PLXNA4: variants seen among roughly 807,000 people sequenced by gnomAD.
PLXNA4 encodes the protein plexin A4.
In PLXNA4, 44 loss-of-function variants were observed where a neutral mutation model predicts 191.8. The observed-to-expected ratio is 0.23, with a 90% CI of 0.18 to 0.29. PLXNA4 has a LOEUF of 0.29. Among genes scored for constraint, PLXNA4 ranks in the 10% least tolerant of loss-of-function variants. The probability of loss-of-function intolerance (pLI) is 1.00; values close to 1 mark genes in which losing one functional copy is unlikely to be tolerated. For synonymous variants in PLXNA4, 1,082 were observed against 1,009.5 expected, an observed-to-expected ratio of 1.07 and a Z score of -1.36; for missense variants, 1,800 against 2,488.8, an observed-to-expected ratio of 0.72 and a Z score of 5.89.
rs999371650 is a variant in PLXNA4, at chr7:132,128,595, G to T, written c.*1884C>A. 6.6e-6 allele frequency: 1 copy of T among 152,210 alleles called. No individual in the cohort carries two copies. The allele number at this position is 152,210 out of a possible 1,614,324, so 9.4% of individuals were successfully genotyped here. A position where few individuals can be genotyped will look rare whatever the true frequency, so the allele number is the denominator to read the frequency against. On this transcript the variant is annotated 3_prime_UTR_variant, in exon 32 of 32. Transcript: ENST00000321063. ...GACAAGAAATCCTTTTGAGCTTTCC[G>T]CCTACACCTGGGGCAGACACACACA...
intron 3 of PLXNA4, among the ~76,000 whole-genome samples, chr7:132,409,851 C>G (rs1027891589): frequency 6.6e-6 from 1 of 152,222 alleles, no homozygotes; most frequent in Non-Finnish European, 1.5e-5. Context: ...GGCTCGTCCT[C>G]CGGGAGATCC....
chr7:132,232,061 G>A (rs56131291), intron 5 of PLXNA4, among the ~76,000 whole-genome samples: 1,689 of 152,298 alleles, frequency 0.011, 33 homozygotes, highest in African/African-American at 0.038. Flanking sequence ...AATGGAAGGC[G>A]AGGCACGAAT....
chr7:132,500,397 C>T (rs1001856114), intron 2 of PLXNA4, among the ~76,000 whole-genome samples: 1 of 151,798 alleles, frequency 6.6e-6, no homozygotes, highest in South Asian at 2.1e-4. Flanking sequence ...GAGCCAAGAT[C>T]GCGCCATTGC....
chr7:132,362,219 C>T (rs894517811), intron 3 of PLXNA4, among the ~76,000 whole-genome samples: 2 of 152,184 alleles, frequency 1.3e-5, no homozygotes, highest in Non-Finnish European at 2.9e-5. Flanking sequence ...TTCATACTTC[C>T]GTCTTCAATG....
chr7:132,341,148 CAT>C lies in PLXNA4; in HGVS notation c.1372-42928_1372-42927del, dbSNP rs1385110595. Among the ~76,000 whole-genome samples, 5 of 152,156 alleles carry C rather than the reference CAT, an allele frequency of 3.3e-5. No individual in the cohort carries two copies. In the East Asian group the frequency reaches 9.6e-4, roughly 29 times the overall value. ...AAGAGTTGGGGAGACTCATAACCTCCATCAGAACTGAATTCTATCTGAGGATA... is the reference window on the plus strand; with the variant it reads ...AAGAGTTGGGGAGACTCATAACCTCCCAGAACTGAATTCTATCTGAGGATA... On this transcript the variant is annotated intron_variant, in intron 3 of 31. Coordinates refer to ENST00000321063, the MANE Select transcript of PLXNA4 (RefSeq NM_020911.2).
In PLXNA4 at chr7:132,631,549, T is replaced by A. The variant is rs114330700; in HGVS notation, c.-87+14379A>T. Among the ~76,000 whole-genome samples the A allele has an allele frequency of 3.9e-3, 594 of 152,176 alleles. 3 individuals are homozygous for A. The highest frequency in any genetic ancestry group is 0.013 in the African/African-American group (554 of 41,510). ...AGGAATGAACACATTGACTAGTGAGTGTCTGCTCTAGATGGTACCCCAGGC... is the reference window on the plus strand; with the variant it reads ...AGGAATGAACACATTGACTAGTGAGAGTCTGCTCTAGATGGTACCCCAGGC... On this transcript the variant is annotated intron_variant, in intron 2 of 4. Transcript: ENST00000378539.
intron 1 of PLXNA4, among the ~76,000 whole-genome samples, chr7:132,526,830 G>C (rs1799420194): frequency 6.6e-6 from 1 of 152,188 alleles, no homozygotes; most frequent in African/African-American, 2.4e-5. Context: ...CCTCTTTGGT[G>C]CATAGTCTTC....
intron 25 of PLXNA4, among the ~76,000 whole-genome samples, chr7:132,153,883 GCTTTGCAATAACCCCACTTCCAGT>G (rs577463866): frequency 5.3e-4 from 81 of 152,256 alleles, no homozygotes; most frequent in African/African-American, 1.9e-3. Flanking sequence ...GACCCTTCAG[GCTTTGCAATAACCCCACTTCCAGT>G]CTTCCTATCA....
At chr7:132,411,726 C>G (rs1794467065) in intron 3 of PLXNA4, among the ~76,000 whole-genome samples, 1 of 152,060 alleles carries the variant, frequency 6.6e-6, no homozygotes. Context: ...AAGAAAAGGC[C>G]CAGAAATTCT....
At chr7:132,317,377 ATTGAG>A (rs1801985932) in intron 3 of PLXNA4, among the ~76,000 whole-genome samples, 1 of 147,432 alleles carries the variant, frequency 6.8e-6, no homozygotes, top group Non-Finnish European at 1.5e-5. Context: ...GTTGTATTGG[ATTGAG>A]TTGGGTTGGA....
intron 1 of PLXNA4, among the ~76,000 whole-genome samples, chr7:132,570,333 G>C (rs1199874016): frequency 2.0e-5 from 3 of 152,112 alleles, no homozygotes; most frequent in Non-Finnish European, 2.9e-5. Context: ...TGCTTCAGTT[G>C]CACATCCTGA....
At chr7:132,529,608 T>TC (rs1799545147) in intron 1 of PLXNA4, among the ~76,000 whole-genome samples, 1 of 49,424 alleles carries the variant, frequency 2.0e-5, no homozygotes, top group Admixed American at 1.8e-4. Context: ...ATAGGTATTC[T>TC]TTTTTTTTTT....
intron 3 of PLXNA4, among the ~76,000 whole-genome samples, chr7:132,356,291 T>G (rs908828033): frequency 6.6e-6 from 1 of 152,162 alleles, no homozygotes; most frequent in Admixed American, 6.5e-5. Context: ...AATGGCAAAG[T>G]TGGGTTTATA....
chr7:132,203,742 G>T (rs1000512716), intron 10 of PLXNA4, among the ~76,000 whole-genome samples: 1 of 152,230 alleles, frequency 6.6e-6, no homozygotes, highest in African/African-American at 2.4e-5. Flanking sequence ...CAGGAGGCCT[G>T]CTCCCATCCC....
intron 25 of PLXNA4, among the ~76,000 whole-genome samples, chr7:132,159,103 C>T (rs568745599): frequency 3.5e-4 from 54 of 152,222 alleles, no homozygotes; most frequent in East Asian, 1.7e-3. Context: ...GACCTTGGGC[C>T]GCAGGAGCTC....
intron 1 of PLXNA4, among the ~76,000 whole-genome samples, chr7:132,646,344 A>C (rs567496669): frequency 1.3e-4 from 20 of 152,226 alleles, no homozygotes; most frequent in South Asian, 4.2e-4. Context: ...GCTCATGGGA[A>C]GTCTCTTTTG....
At chr7:132,565,480 T>C (rs1206275941) in intron 1 of PLXNA4, among the ~76,000 whole-genome samples, 2 of 152,210 alleles carry the variant, frequency 1.3e-5, no homozygotes, top group African/African-American at 4.8e-5. Context: ...TGATTTCCTA[T>C]TACACCGCAA....
At chr7:132,138,952 C>T (rs936600158) in intron 30 of PLXNA4, among the ~76,000 whole-genome samples, 4 of 152,236 alleles carry the variant, frequency 2.6e-5, no homozygotes, top group African/African-American at 4.8e-5. Flanking sequence ...CTGTGGCACT[C>T]GGATGACCAA....
At chr7:132,495,533 A>AGCC (rs1360840498) in intron 2 of PLXNA4, among the ~76,000 whole-genome samples, 3 of 152,170 alleles carry the variant, frequency 2.0e-5, no homozygotes, top group African/African-American at 7.2e-5. Context: ...GGGCAGCAGC[A>AGCC]GCCATCTGAG....
Sources: allele counts gnomAD v4.1 joint callset (sites outside exome capture counted in the v4.1 genomes callset), GRCh38; gene constraint gnomAD v4.1.1; transcripts MANE v1.5; gene names NCBI Gene and HGNC (gene_info 2026-07-23, HGNC 2026-07-21).